The following HECA variants were observed in gnomAD, a reference collection of about 807,000 sequenced individuals.
The protein encoded by HECA is HECA ribonucleoprotein granule regulator.
In HECA, 13 loss-of-function variants were observed where a neutral mutation model predicts 37.6. The ratio of observed to expected loss-of-function variants is 0.35; its 90% CI spans 0.23 to 0.55. HECA has a LOEUF of 0.55. HECA is among the 20% of genes least tolerant of loss of function. HECA has a pLI of 0.90. For synonymous variants in HECA, 307 were observed against 291.5 expected, an observed-to-expected ratio of 1.05 and a Z score of -0.54; for missense variants, 527 against 701.9, an observed-to-expected ratio of 0.75 and a Z score of 2.82.
chr6:139,165,424 A>G (rs930116208), intron 1 of HECA, among the ~76,000 whole-genome samples: 3 of 152,108 alleles, frequency 2.0e-5, no homozygotes, highest in Non-Finnish European at 4.4e-5. Flanking sequence ...ATTTAATTTC[A>G]TAGTTGACAT....
At chr6:139,153,424 A>ATT (rs778574916) in intron 1 of HECA, among the ~76,000 whole-genome samples, 4 of 143,600 alleles carry the variant, frequency 2.8e-5, no homozygotes, top group South Asian at 2.2e-4. Flanking sequence ...AAATAATGTA[A>ATT]TTTTTTTTTT....
chr6:139,166,378 C>G lies in HECA; in HGVS notation c.366C>G (p.His122Gln), dbSNP rs1412346736. The G allele has an allele frequency of 1.2e-6, 2 of 1,614,116 alleles. No homozygotes were observed. Among genetic ancestry groups the G allele is most frequent in the Non-Finnish European group, 1.7e-6 (2 of 1,180,042 alleles). ...DYQKVVCNNE[H>Q]CPCSTWMHLQ... ...AGAAGGTGGTGTGCAACAACGAGCA[C>G]TGCCCCTGCAGCACCTGGATGCACC... The change falls in exon 2 of 4, where the codon CAC (histidine) becomes CAG (glutamine). Residue 122 changes from histidine to glutamine, a missense_variant. Around this residue, in one of 4 missense-constraint regions of HECA, gnomAD observed 172 missense variants for 197.6 expected, o/e 0.87. Transcript: ENST00000367658.
At chr6:139,165,089 A>T (rs1344552167) in intron 1 of HECA, among the ~76,000 whole-genome samples, 4 of 152,186 alleles carry the variant, frequency 2.6e-5, no homozygotes, top group African/African-American at 9.6e-5. Flanking sequence ...AGCATTTCTT[A>T]TTTAATCTTC....
Position 139,166,564 on chromosome 6 carries a change from C to A in HECA, c.552C>A (p.His184Gln). ...RFCSCRCGQG[H>Q]LKKDTDWYQV... is the part of the protein sequence containing the mutation. ...GCTCTTGCCGCTGTGGCCAGGGCCACTTGAAGAAGGACACAGACTGGTATC... is the reference window on the plus strand; with the variant it reads ...GCTCTTGCCGCTGTGGCCAGGGCCAATTGAAGAAGGACACAGACTGGTATC... Residue 184 changes from histidine to glutamine, a missense_variant, in exon 2 of 4, where the codon CAC becomes CAA. Physicochemically the swap from His to Gln is conservative, Grantham distance 24 (BLOSUM62 0). Coordinates refer to ENST00000367658, the MANE Select transcript of HECA (RefSeq NM_016217.3). The A allele has an allele frequency of 6.2e-7, 1 of 1,614,226 alleles. No individual in the cohort carries two copies. Among genetic ancestry groups the A allele is most frequent in the Non-Finnish European group, 8.5e-7 (1 of 1,180,050 alleles).
At chr6:139,150,338 A>G (rs1003499649) in intron 1 of HECA, among the ~76,000 whole-genome samples, 2 of 152,148 alleles carry the variant, frequency 1.3e-5, no homozygotes, top group East Asian at 3.8e-4. Context: ...ACAAAAAACA[A>G]TCTGTTAGCT....
intron 2 of HECA, chr6:139,169,725 A>G (rs965675572): frequency 1.3e-5 from 2 of 152,184 alleles, no homozygotes; most frequent in African/African-American, 2.4e-5. Context: ...ACTTTTTCAC[A>G]TGTTGCTCTC....
chr6:139,142,570 G>T (rs976274166), intron 1 of HECA, among the ~76,000 whole-genome samples: 3 of 152,108 alleles, frequency 2.0e-5, no homozygotes, highest in Admixed American at 6.5e-5. Flanking sequence ...ATTTGCATCC[G>T]GAATTTGGAG....
At chr6:139,155,060 C>T (rs186471450) in intron 1 of HECA, among the ~76,000 whole-genome samples, 9 of 152,210 alleles carry the variant, frequency 5.9e-5, no homozygotes, top group East Asian at 3.9e-4. Context: ...TGTCATTTGG[C>T]GATTTCATCA....
At chr6:139,159,088 G>GA (rs944022321) in intron 1 of HECA, 13 of 149,626 alleles carry the variant, frequency 8.7e-5, no homozygotes, top group African/African-American at 2.0e-4. Flanking sequence ...AAAAATTTTT[G>GA]AAAAAAAAAA....
intron 1 of HECA, among the ~76,000 whole-genome samples, chr6:139,165,771 C>A (rs1474126359): frequency 6.8e-6 from 1 of 147,570 alleles, no homozygotes; most frequent in African/African-American, 2.6e-5. Flanking sequence ...TGTTTTCTGT[C>A]CTTTCTGGGA....
intron 1 of HECA, among the ~76,000 whole-genome samples, chr6:139,162,104 C>T (rs756270024): frequency 1.3e-5 from 2 of 152,094 alleles, no homozygotes; most frequent in Non-Finnish European, 1.5e-5. Context: ...CCAGTGGTGC[C>T]GGAAACACTA....
At chr6:139,136,801 A>C (rs1364110055) in intron 1 of HECA, among the ~76,000 whole-genome samples, 1 of 152,046 alleles carries the variant, frequency 6.6e-6, no homozygotes, top group African/African-American at 2.4e-5. Flanking sequence ...CGCCCGGCTA[A>C]TTTTTGTTAT....
At chr6:139,160,645 C>T (rs1159598491) in intron 1 of HECA, among the ~76,000 whole-genome samples, 3 of 152,274 alleles carry the variant, frequency 2.0e-5, no homozygotes, top group Middle Eastern at 3.4e-3. Flanking sequence ...TAACTCCTGG[C>T]CGCAAGTGAT....
intron 1 of HECA, among the ~76,000 whole-genome samples, chr6:139,152,412 C>T (rs1251921277): frequency 3.3e-5 from 2 of 60,080 alleles, no homozygotes; most frequent in South Asian, 6.1e-4. Flanking sequence ...TGTATTGAAG[C>T]ATTGGATGTG....
chr6:139,146,198 C>T (rs28578036), intron 1 of HECA, among the ~76,000 whole-genome samples: 2 of 152,162 alleles, frequency 1.3e-5, no homozygotes, highest in African/African-American at 4.8e-5. Flanking sequence ...CTTCATAACA[C>T]GTGATCAAGA....
intron 1 of HECA, among the ~76,000 whole-genome samples, chr6:139,155,033 A>G (rs539840639): frequency 6.6e-6 from 1 of 152,342 alleles, no homozygotes; most frequent in South Asian, 2.1e-4. Context: ...AATGACAGGG[A>G]TACATTCTAA....
At position 139,179,658 on chromosome 6, in the gene HECA, C is replaced by G. The variant is rs894532546; in HGVS notation, c.*2553C>G. The G allele has an allele frequency of 6.6e-6, 1 of 152,086 alleles. No homozygotes were observed. The highest frequency in any genetic ancestry group is 2.4e-5 in the African/African-American group (1 of 41,420). 9.4% of individuals were successfully genotyped at this position (152,086 alleles called of 1,614,324 possible). ...GGCTGATTTGGGAATAAAATATAAT[C>G]GAATATTCAACACCATGAAGATAAA... On this transcript the variant is annotated 3_prime_UTR_variant, in exon 4 of 4. Transcript: ENST00000367658.
chr6:139,136,139 T>C (rs1449714449), intron 1 of HECA, among the ~76,000 whole-genome samples: 1 of 151,956 alleles, frequency 6.6e-6, no homozygotes, highest in Non-Finnish European at 1.5e-5. Context: ...CACCCAGGCT[T>C]GCTGCGTCGA....
At chr6:139,145,310 A>G (rs1246822080) in intron 1 of HECA, among the ~76,000 whole-genome samples, 1 of 152,224 alleles carries the variant, frequency 6.6e-6, no homozygotes, top group Non-Finnish European at 1.5e-5. Flanking sequence ...AGTCAGTAGC[A>G]TTTCTAATAC....
Sources: gnomAD v4.1 joint callset for allele counts (sites outside exome capture counted in the v4.1 genomes callset) on GRCh38, gnomAD v4.1.1 for gene constraint, gnomAD v4.1.1 regional missense constraint, MANE v1.5 for transcripts, NCBI Gene and HGNC (gene_info 2026-07-23, HGNC 2026-07-21) for gene names.